The following WWOX variants were observed in gnomAD, a reference collection of about 807,000 sequenced individuals.
The protein encoded by WWOX is WW domain containing oxidoreductase.
WWOX carries 69 observed loss-of-function variants against 46.2 expected under a neutral mutation model. The ratio of observed to expected loss-of-function variants is 1.49; its 90% CI spans 1.23 to 1.82. WWOX has a LOEUF of 1.82. Among genes scored for constraint, WWOX ranks in the 40% most tolerant of loss-of-function variants. The pLI, the probability that WWOX is intolerant of heterozygous loss-of-function variation, is 0.00. For missense variants in WWOX, 919 were observed against 542.6 expected (o/e 1.69, Z -6.89); for synonymous variants, 359 against 202.6 (o/e 1.77, Z -6.56).
chr16:78,704,319 T>G (rs1302939832), intron 8 of WWOX, among the ~76,000 whole-genome samples: 4 of 152,182 alleles, frequency 2.6e-5, no homozygotes, highest in Admixed American at 1.3e-4. Context: ...TGGTGAAACT[T>G]AAGATGTCAG....
intron 8 of WWOX, among the ~76,000 whole-genome samples, chr16:78,995,311 G>C (rs1053955865): frequency 6.6e-6 from 1 of 152,088 alleles, no homozygotes; most frequent in East Asian, 1.9e-4. Context: ...TCTGCCCCTT[G>C]CCCAATTCCC....
At chr16:78,352,794 C>G (rs2081210892) in intron 5 of WWOX, among the ~76,000 whole-genome samples, 1 of 151,770 alleles carries the variant, frequency 6.6e-6, no homozygotes, top group Non-Finnish European at 1.5e-5. Context: ...ATGCATGAGT[C>G]TTAAATTTAT....
intron 5 of WWOX, among the ~76,000 whole-genome samples, chr16:78,178,684 G>A (rs1597315170): frequency 6.6e-6 from 1 of 152,038 alleles, no homozygotes; most frequent in African/African-American, 2.4e-5. Flanking sequence ...TGGCAAACAT[G>A]GTGAAACTGT....
At chr16:78,602,137 A>T (rs182517889) in intron 8 of WWOX, among the ~76,000 whole-genome samples, 1 of 152,328 alleles carries the variant, frequency 6.6e-6, no homozygotes, top group East Asian at 1.9e-4. Flanking sequence ...CACTAGTAGA[A>T]TCTCTCTTTA....
At chr16:78,435,137 A>C (rs2083305598) in intron 8 of WWOX, among the ~76,000 whole-genome samples, 1 of 152,080 alleles carries the variant, frequency 6.6e-6, no homozygotes, top group Admixed American at 6.6e-5. Flanking sequence ...TGTGCTCAGG[A>C]CTTGGGCTGA....
chr16:79,026,613 TC>T (rs1271918368), intron 8 of WWOX, among the ~76,000 whole-genome samples: 6 of 130,428 alleles, frequency 4.6e-5, no homozygotes, highest in African/African-American at 1.6e-4. Context: ...TGTGGTAGAC[TC>T]TTTTTTTTTT....
chr16:78,816,828 G>A (rs189122608), intron 8 of WWOX, among the ~76,000 whole-genome samples: 1 of 152,006 alleles, frequency 6.6e-6, no homozygotes, highest in African/African-American at 2.4e-5. Context: ...GCAATGCCAA[G>A]TACTCATCTG....
At chr16:78,717,273 G>C (rs910116586) in intron 8 of WWOX, among the ~76,000 whole-genome samples, 3 of 152,146 alleles carry the variant, frequency 2.0e-5, no homozygotes, top group East Asian at 3.9e-4. Context: ...GGAATATAGA[G>C]ATCCAGTAGT....
At position 78,985,056 on chromosome 16, in the gene WWOX, G is replaced by A. The variant is rs115945365; in HGVS notation, c.1057-226552G>A. Among the ~76,000 whole-genome samples, 834 of 152,242 alleles carry A rather than the reference G, an allele frequency of 5.5e-3. 14 individuals are homozygous for A. Among genetic ancestry groups the A allele is most frequent in the African/African-American group, 0.019 (787 of 41,536 alleles). On this transcript the variant is annotated intron_variant, in intron 8 of 8. Coordinates refer to ENST00000566780, the MANE Select transcript of WWOX (RefSeq NM_016373.4). ...TCCCTTGCCCCCTCCACCCCGCTCT[G>A]TCAGGAGCCAAGCTCTGGCCGCCCA... is the stretch of plus-strand genomic sequence containing the variant.
chr16:78,834,496 G>A (rs901709399), intron 8 of WWOX, among the ~76,000 whole-genome samples: 5 of 152,144 alleles, frequency 3.3e-5, no homozygotes, highest in Admixed American at 1.3e-4. Flanking sequence ...AACATAGTAA[G>A]TGAGAAAAGT....
intron 8 of WWOX, chr16:79,106,013 T>C (rs2049301233): frequency 6.6e-6 from 1 of 152,192 alleles, no homozygotes; most frequent in African/African-American, 2.4e-5. Context: ...TTTTACATCA[T>C]TTTCAGTGAT....
At chr16:79,209,774 C>A (rs1597484119) in intron 8 of WWOX, among the ~76,000 whole-genome samples, 1 of 152,190 alleles carries the variant, frequency 6.6e-6, no homozygotes, top group Non-Finnish European at 1.5e-5. Context: ...CTTCCCTTTT[C>A]CCCACATGGG....
chr16:78,152,240 G>T (rs568581381), intron 4 of WWOX, among the ~76,000 whole-genome samples: 1 of 151,572 alleles, frequency 6.6e-6, no homozygotes, highest in Admixed American at 6.6e-5. Flanking sequence ...TTGCATCTCC[G>T]TATCATTTCT....
intron 6 of WWOX, among the ~76,000 whole-genome samples, chr16:78,397,538 T>G (rs2082315762): frequency 6.6e-6 from 1 of 152,202 alleles, no homozygotes; most frequent in Admixed American, 6.5e-5. Flanking sequence ...CAAAATCTCT[T>G]CTTCTGTTGA....
In WWOX at chr16:78,360,168, C is replaced by T. The variant is rs562004174; in HGVS notation, c.517-26692C>T. 8.5e-5 allele frequency among the ~76,000 whole-genome samples: 13 copies of T among 152,296 alleles called. No individual in the cohort carries two copies. The East Asian group carries it at 2.3e-3, about 27-fold the overall frequency. On this transcript the variant is annotated intron_variant, in intron 5 of 8. Coordinates refer to ENST00000566780, the MANE Select transcript of WWOX (RefSeq NM_016373.4). Reference sequence around the variant, plus strand: ...ATTCCCCCATCAACAATCAATATTACTTTCTAAAAGCAAGGGCGTTTTGAC... The same window carrying T: ...ATTCCCCCATCAACAATCAATATTATTTTCTAAAAGCAAGGGCGTTTTGAC...
At chr16:78,129,210 A>G (rs1285660435) in intron 4 of WWOX, among the ~76,000 whole-genome samples, 1 of 151,782 alleles carries the variant, frequency 6.6e-6, no homozygotes, top group Non-Finnish European at 1.5e-5. Context: ...TCCGGGAGGG[A>G]TTTGGGAAAG....
At chr16:78,724,972 C>T (rs925416842) in intron 8 of WWOX, among the ~76,000 whole-genome samples, 1 of 152,122 alleles carries the variant, frequency 6.6e-6, no homozygotes, top group African/African-American at 2.4e-5. Context: ...CATTAATGCA[C>T]TTTATTGGTG....
At chr16:78,937,025 A>G (rs376079324) in intron 8 of WWOX, among the ~76,000 whole-genome samples, 31 of 152,336 alleles carry the variant, frequency 2.0e-4, no homozygotes, top group African/African-American at 7.5e-4. Flanking sequence ...TACAATATGT[A>G]CTAAACCTGG....
At chr16:79,094,189 G>A (rs576922736) in intron 8 of WWOX, among the ~76,000 whole-genome samples, 41 of 151,712 alleles carry the variant, frequency 2.7e-4, no homozygotes, top group Middle Eastern at 3.4e-3. Context: ...GTCGTGTGCC[G>A]ATATTTCATT....
Sources: allele counts gnomAD v4.1 joint callset (sites outside exome capture counted in the v4.1 genomes callset), GRCh38; gene constraint gnomAD v4.1.1; transcripts MANE v1.5; gene names NCBI Gene and HGNC (gene_info 2026-07-23, HGNC 2026-07-21).